Variants in ADGRL3 observed in about 807,000 individuals in gnomAD.
ADGRL3 encodes adhesion G protein-coupled receptor L3, also known as calcium-independent alpha-latrotoxin receptor 3.
ADGRL3 carries 62 observed loss-of-function variants against 153.5 expected under a neutral mutation model. The ratio of observed to expected loss-of-function variants is 0.40; its 90% confidence interval spans 0.33 to 0.50. The LOEUF is 0.50. Ranked by LOEUF, ADGRL3 falls within the 20% of genes least tolerant of loss-of-function variation. ADGRL3 has a pLI of 0.47. For missense variants in ADGRL3, 1,641 were observed against 1,859.4 expected (o/e 0.88, Z 2.16); for synonymous variants, 710 against 672.5 (o/e 1.06, Z -0.86).
chr4:61,821,676 C>T (rs903606563), intron 9 of ADGRL3, among the ~76,000 whole-genome samples: 2 of 152,070 alleles, frequency 1.3e-5, no homozygotes, highest in African/African-American at 4.8e-5. Context: ...TAATTTTTCA[C>T]ATTTGAAAAA....
At chr4:61,581,634 T>C (rs904461138) in intron 4 of ADGRL3, among the ~76,000 whole-genome samples, 1 of 152,044 alleles carries the variant, frequency 6.6e-6, no homozygotes, top group African/African-American at 2.4e-5. Flanking sequence ...GTTATCGTTA[T>C]CTACTTCTGT....
intron 11 of ADGRL3, among the ~76,000 whole-genome samples, chr4:61,905,666 G>A (rs780940679): frequency 1.1e-4 from 16 of 152,050 alleles, no homozygotes; most frequent in African/African-American, 3.9e-4. Context: ...AGGTCGAGGC[G>A]GGCAGATGGC....
intron 1 of ADGRL3, among the ~76,000 whole-genome samples, chr4:61,280,497 T>A (rs1009509788): frequency 6.6e-6 from 1 of 152,118 alleles, no homozygotes; most frequent in Non-Finnish European, 1.5e-5. Flanking sequence ...GTATACTAGA[T>A]TACCTTTAAG....
At chr4:61,821,633 T>C (rs1376117162) in intron 9 of ADGRL3, among the ~76,000 whole-genome samples, 1 of 152,134 alleles carries the variant, frequency 6.6e-6, no homozygotes, top group Admixed American at 6.6e-5. Flanking sequence ...TTGCAAACTG[T>C]TGACAGTTAT....
chr4:61,785,641 A>T (rs1187394122), intron 8 of ADGRL3, among the ~76,000 whole-genome samples: 5 of 152,126 alleles, frequency 3.3e-5, no homozygotes, highest in African/African-American at 1.2e-4. Context: ...AAACCCATAG[A>T]ATTTTCTTAG....
In ADGRL3 at chr4:61,439,119, A is replaced by G. The variant is rs535691707; in HGVS notation, c.-174+55930A>G. On this transcript the variant is annotated intron_variant, in intron 2 of 26. Transcript: ENST00000683033. ...AGAGCAAAACCAAGGCACTCATGAA[A>G]ACATCATCATGTTATAGTATTGTGT... Among the ~76,000 whole-genome samples, 450 of 152,270 alleles carry G rather than the reference A, an allele frequency of 3.0e-3. 2 individuals are homozygous for G. Among genetic ancestry groups the G allele is most frequent in the African/African-American group, 0.01 (432 of 41,552 alleles).
At chr4:61,921,047 C>T (rs1381178526) in intron 13 of ADGRL3, among the ~76,000 whole-genome samples, 5 of 151,904 alleles carry the variant, frequency 3.3e-5, no homozygotes, top group Admixed American at 1.3e-4. Context: ...AGATTTATGA[C>T]AATACAAGGG....
At chr4:61,287,815 A>G (rs1302767694) in intron 1 of ADGRL3, among the ~76,000 whole-genome samples, 2 of 151,924 alleles carry the variant, frequency 1.3e-5, no homozygotes, top group Admixed American at 6.6e-5. Context: ...TGTGAGACCA[A>G]TTTCCCATGG....
At chr4:61,448,425 T>C (rs2097615285) in intron 2 of ADGRL3, among the ~76,000 whole-genome samples, 1 of 152,184 alleles carries the variant, frequency 6.6e-6, no homozygotes, top group African/African-American at 2.4e-5. Flanking sequence ...CTGCATTACT[T>C]AGAGTCTGGA....
intron 5 of ADGRL3, among the ~76,000 whole-genome samples, chr4:61,600,639 G>A (rs768091055): frequency 5.9e-5 from 9 of 152,162 alleles, no homozygotes; most frequent in Non-Finnish European, 1.0e-4. Flanking sequence ...TAGCACCAGA[G>A]TGCCAAAGAA....
At chr4:61,278,129 T>A (rs937567690) in intron 1 of ADGRL3, among the ~76,000 whole-genome samples, 1 of 152,272 alleles carries the variant, frequency 6.6e-6, no homozygotes, top group Admixed American at 6.5e-5. Flanking sequence ...GAGACACAGC[T>A]GATCCTTTCA....
rs867408282 is a variant in ADGRL3 at position 62,031,256 on chromosome 4, A to G, written c.3423-186A>G. Among the ~76,000 whole-genome samples the G allele has an allele frequency of 8.6e-5, 13 of 151,724 alleles. No individual in the cohort carries two copies. In the South Asian group the frequency reaches 1.0e-3, roughly 12 times the overall value. The stretch of plus-strand genomic sequence containing the variant: ...GTTCATAACATTTTCATTCATGTAT[A>G]TATCTCCTCAAGCTTGAAAACTTGT... On this transcript the variant is annotated intron_variant, in intron 22 of 26. Coordinates refer to ENST00000683033, the MANE Select transcript of ADGRL3 (RefSeq NM_001387552.1).
chr4:61,568,346 C>G (rs2098824807), intron 4 of ADGRL3, among the ~76,000 whole-genome samples: 1 of 152,112 alleles, frequency 6.6e-6, no homozygotes. Flanking sequence ...TCATTTTCTT[C>G]AAATTATATT....
intron 6 of ADGRL3, among the ~76,000 whole-genome samples, chr4:61,698,806 C>T (rs756340133): frequency 5.9e-5 from 9 of 152,016 alleles, no homozygotes; most frequent in Non-Finnish European, 1.3e-4. Context: ...ATAGGCTTCC[C>T]GAAAATCCAC....
At chr4:61,951,687 A>C (rs2098947853) in intron 17 of ADGRL3, among the ~76,000 whole-genome samples, 1 of 151,990 alleles carries the variant, frequency 6.6e-6, no homozygotes, top group South Asian at 2.1e-4. Flanking sequence ...GCAACATGGC[A>C]GAACTCCCTC....
intron 5 of ADGRL3, among the ~76,000 whole-genome samples, chr4:61,648,675 A>T (rs1314589633): frequency 6.6e-6 from 1 of 152,042 alleles, no homozygotes; most frequent in Admixed American, 6.5e-5. Context: ...CTAGAATATA[A>T]AACATCATTG....
chr4:61,886,482 A>G (rs1372704898), intron 9 of ADGRL3, among the ~76,000 whole-genome samples: 1 of 152,218 alleles, frequency 6.6e-6, no homozygotes, highest in Non-Finnish European at 1.5e-5. Context: ...GTTAGCACAA[A>G]AGAAAGATTT....
At chr4:61,745,256 G>A (rs2096640218) in intron 8 of ADGRL3, among the ~76,000 whole-genome samples, 1 of 152,176 alleles carries the variant, frequency 6.6e-6, no homozygotes, top group Admixed American at 6.5e-5. Flanking sequence ...AAGTGATGGG[G>A]AGAATGGAAC....
At chr4:62,013,549 A>AAAAG (rs201993083) in intron 21 of ADGRL3, among the ~76,000 whole-genome samples, 34 of 152,052 alleles carry the variant, frequency 2.2e-4, no homozygotes, top group African/African-American at 5.5e-4. Context: ...TCTCAAAAAA[A>AAAAG]AAAGAAAGAA....
Sources: allele counts gnomAD v4.1 joint callset (sites outside exome capture counted in the v4.1 genomes callset), GRCh38; gene constraint gnomAD v4.1.1; transcripts MANE v1.5; gene names NCBI Gene and HGNC (gene_info 2026-07-23, HGNC 2026-07-21).